MGST1: variants seen among roughly 807,000 people sequenced by gnomAD.
MGST1 encodes microsomal glutathione S-transferase 1, also known as glutathione S-transferase 12.
Under a neutral mutation model 8.9 loss-of-function variants are expected in MGST1, and 5 were observed. The ratio of observed to expected loss-of-function variants is 0.56; its 90% CI spans 0.29 to 1.19. The LOEUF is 1.19. MGST1 is among the 50% of genes most tolerant of loss of function. The pLI, the probability that MGST1 is intolerant of heterozygous loss-of-function variation, is 0.08. For missense variants in MGST1, 182 were observed against 187.4 expected (o/e 0.97, Z 0.17); for synonymous variants, 54 against 67.8 (o/e 0.80, Z 1.00).
chr12:16,455,351 C>G (rs1941164413), intron 4 of MGST1, among the ~76,000 whole-genome samples: 1 of 151,778 alleles, frequency 6.6e-6, no homozygotes, highest in African/African-American at 2.4e-5. Context: ...AGAAGCCACA[C>G]AGTAAGGGGC....
intron 1 of MGST1, among the ~76,000 whole-genome samples, chr12:16,403,216 G>T (rs1290082399): frequency 6.6e-6 from 1 of 152,058 alleles, no homozygotes; most frequent in African/African-American, 2.4e-5. Context: ...TAGTTAAATG[G>T]TTTAAATTTT....
At position 16,547,997 on chromosome 12, in the gene MGST1, A is replaced by G. The variant is rs1203535708; in HGVS notation, n.483-41531A>G. ...AGTTAAGGTGCAACATCTCTTCTGTAAAAATGTAGAATTGAGTTTCCTGTT... is the reference window on the plus strand; with the variant it reads ...AGTTAAGGTGCAACATCTCTTCTGTGAAAATGTAGAATTGAGTTTCCTGTT... On this transcript the variant is annotated intron_variant and non_coding_transcript_variant, in intron 4 of 4. Transcript: ENST00000538857. This position sits in a 1 kb window ranked among gnomAD's most constrained non-coding sequence, Gnocchi z 4.6. Among the ~76,000 whole-genome samples, 2 of 152,174 alleles carry G rather than the reference A, an allele frequency of 1.3e-5. No homozygotes were observed.
intron 4 of MGST1, chr12:16,550,358 A>G (rs888720393): frequency 2.6e-5 from 4 of 152,438 alleles, no homozygotes; most frequent in Admixed American, 6.6e-5. Flanking sequence ...ACCCTTTGGA[A>G]AAAATTTTAC....
rs139510057 is a variant in MGST1 at position 16,467,983 on chromosome 12, G to T, written n.482+84379G>T. Among the ~76,000 whole-genome samples the T allele has an allele frequency of 2.5e-4, 38 of 152,280 alleles. No homozygotes were observed. The East Asian group carries it at 6.8e-3, about 27-fold the overall frequency. On this transcript the variant is annotated intron_variant and non_coding_transcript_variant, in intron 4 of 4. Coordinates refer to the MGST1 transcript ENST00000538857. Reference sequence around the variant, plus strand: ...CTCAGGTGTGAAACCAACTGTTGAGGCTCATTGTCAGCTGCTGGTTTCTAG... The same window carrying T: ...CTCAGGTGTGAAACCAACTGTTGAGTCTCATTGTCAGCTGCTGGTTTCTAG...
chr12:16,445,628 T>A (rs1264220671), intron 4 of MGST1, among the ~76,000 whole-genome samples: 1 of 151,970 alleles, frequency 6.6e-6, no homozygotes, highest in Non-Finnish European at 1.5e-5. Context: ...ATTAAGATAG[T>A]GAAGAATTCA....
At chr12:16,411,169 C>T (rs1054279714) in intron 1 of MGST1, among the ~76,000 whole-genome samples, 13 of 152,156 alleles carry the variant, frequency 8.5e-5, no homozygotes, top group Admixed American at 2.0e-4. Flanking sequence ...GTATATGTGT[C>T]TGTTTTCTTT....
In MGST1 at chr12:16,526,616, A is replaced by T. The variant is rs561187798; in HGVS notation, n.483-62912A>T. Among the ~76,000 whole-genome samples, 8 of 152,138 alleles carry T rather than the reference A, an allele frequency of 5.3e-5. No individual in the cohort carries two copies. In the East Asian group the frequency reaches 1.5e-3, roughly 29 times the overall value. ...AAGGTACAAACATGATTTTATTTTT[A>T]TTACCAAGGTCTTGCCATAAAGGAA... On this transcript the variant is annotated intron_variant and non_coding_transcript_variant, in intron 4 of 4. Transcript: ENST00000538857.
At chr12:16,476,117 A>T (rs1941321410) in intron 4 of MGST1, among the ~76,000 whole-genome samples, 1 of 152,018 alleles carries the variant, frequency 6.6e-6, no homozygotes, top group South Asian at 2.1e-4. Context: ...GAAGGACAAT[A>T]AAAAAAGTGG....
Position 16,467,534 on chromosome 12 carries a change from A to G in MGST1, n.482+83930A>G, listed in dbSNP as rs1043787472. 2.6e-5 allele frequency among the ~76,000 whole-genome samples: 4 copies of G among 152,216 alleles called. No individual in the cohort carries two copies. In the East Asian group the frequency reaches 7.7e-4, roughly 29 times the overall value. ...TTCCCCCAGTCAGCTAAGAATTCTA[A>G]GAGCCCACAGACATAACAGTGAGAG... On this transcript the variant is annotated intron_variant and non_coding_transcript_variant, in intron 4 of 4. Coordinates refer to the MGST1 transcript ENST00000538857.
Position 16,585,569 on chromosome 12 carries a change from C to G in MGST1, n.483-3959C>G, listed in dbSNP as rs1943292872. On this transcript the variant is annotated intron_variant and non_coding_transcript_variant, in intron 4 of 4. Transcript: ENST00000538857. This position sits in a 1 kb window ranked among gnomAD's most constrained non-coding sequence, Gnocchi z 4.7. ...TCCCCTTTCCTAAATTCCTCTCACT[C>G]AGCTATCTGAGCATCTCTCATGCAT... Among the ~76,000 whole-genome samples the G allele has an allele frequency of 6.6e-6, 1 of 152,196 alleles. No homozygotes were observed.
rs191911845 is a variant in MGST1 at position 16,507,122 on chromosome 12, T to A, written n.483-82406T>A. 2.0e-5 allele frequency among the ~76,000 whole-genome samples: 3 copies of A among 151,566 alleles called. No individual in the cohort carries two copies. In the East Asian group the frequency reaches 5.8e-4, roughly 29 times the overall value. On this transcript the variant is annotated intron_variant and non_coding_transcript_variant, in intron 4 of 4. Transcript: ENST00000538857. Reference sequence around the variant, plus strand: ...AGTAGGGAGGCTTCCTAAAAGAGAGTCTTCAAAGATGAAGATGTATTCCCT... The same window carrying A: ...AGTAGGGAGGCTTCCTAAAAGAGAGACTTCAAAGATGAAGATGTATTCCCT...
At chr12:16,498,245 G>T (rs7957336) in intron 4 of MGST1, among the ~76,000 whole-genome samples, 69,103 of 151,886 alleles carry the variant, frequency 0.45, 17,222 homozygotes, top group Non-Finnish European at 0.58. Flanking sequence ...GCTGAAAGAG[G>T]CATAATGGTT....
At position 16,458,463 on chromosome 12, in the gene MGST1, A is replaced by G. The variant is rs1467688861; in HGVS notation, n.482+74859A>G. 6.6e-6 allele frequency among the ~76,000 whole-genome samples: 1 copy of G among 152,056 alleles called. No homozygotes were observed. Among genetic ancestry groups the G allele is most frequent in the Admixed American group, 6.6e-5 (1 of 15,226 alleles). On this transcript the variant is annotated intron_variant and non_coding_transcript_variant, in intron 4 of 4. Coordinates refer to the MGST1 transcript ENST00000538857. This position sits in a 1 kb window ranked among gnomAD's most constrained non-coding sequence, Gnocchi z 4.0. ...CCCTTGCTGGATTCCTGCAAGAATC[A>G]ATAAGCAGTCAGTCACATTAACAAT...
chr12:16,549,745 C>G (rs965817676), intron 4 of MGST1: 1 of 152,020 alleles, frequency 6.6e-6, no homozygotes, highest in Non-Finnish European at 1.5e-5. Flanking sequence ...TTACAGGGAG[C>G]AAAAGCAAAG....
At chr12:16,395,257 T>C (rs1940594683) in intron 1 of MGST1, among the ~76,000 whole-genome samples, 1 of 152,158 alleles carries the variant, frequency 6.6e-6, no homozygotes. Flanking sequence ...TAAAAGTCCA[T>C]TATTTTTCAC....
chr12:16,373,843 T>G (rs371635416), intron 3 of MGST1, among the ~76,000 whole-genome samples: 1 of 152,236 alleles, frequency 6.6e-6, no homozygotes, highest in South Asian at 2.1e-4. Flanking sequence ...GGATACTCAG[T>G]AATTTTTCAA....
intron 1 of MGST1, among the ~76,000 whole-genome samples, chr12:16,412,394 T>C (rs1239300795): frequency 6.6e-6 from 1 of 152,222 alleles, no homozygotes; most frequent in Non-Finnish European, 1.5e-5. Flanking sequence ...TTTCCTAATA[T>C]CTGCCCAGTT....
At chr12:16,549,823 T>C (rs1260472997) in intron 4 of MGST1, 2 of 152,086 alleles carry the variant, frequency 1.3e-5, no homozygotes, top group African/African-American at 4.8e-5. Context: ...ATTTAAATAA[T>C]CATTCTCCAT....
intron 4 of MGST1, chr12:16,551,236 G>T (rs143969842): frequency 1.2e-6 from 2 of 1,604,208 alleles, no homozygotes; most frequent in Non-Finnish European, 8.5e-7. Context: ...CGAACCTGGG[G>T]TGCATAACCT....
Sources: gnomAD v4.1 joint callset for allele counts (sites outside exome capture counted in the v4.1 genomes callset) on GRCh38, gnomAD v4.1.1 for gene constraint, Gnocchi (gnomAD v3.1) non-coding constraint, MANE v1.5 for transcripts, NCBI Gene and HGNC (gene_info 2026-07-23, HGNC 2026-07-21) for gene names.